KLHL1: variants seen among roughly 807,000 people sequenced by gnomAD.
KLHL1 encodes the protein kelch-like protein 1.
A neutral mutation model predicts 77.7 loss-of-function variants in KLHL1; 47 were observed. The observed-to-expected ratio is 0.60, with a 90% CI of 0.48 to 0.77. The LOEUF is 0.77. Among genes scored for constraint, KLHL1 ranks in the 30% least tolerant of loss-of-function variants. The pLI is 0.00. For synonymous variants in KLHL1, 360 were observed against 325.2 expected (o/e 1.11, Z -1.15); for missense variants, 925 against 910.8 (o/e 1.02, Z -0.20).
chr13:70,076,122 T>C (rs1169058072), intron 1 of KLHL1, among the ~76,000 whole-genome samples: 1 of 151,872 alleles, frequency 6.6e-6, no homozygotes, highest in African/African-American at 2.4e-5. Flanking sequence ...TTTGTGGAAA[T>C]TGACAAATTT....
intron 4 of KLHL1, among the ~76,000 whole-genome samples, chr13:69,908,674 G>A (rs1048050631): frequency 2.6e-5 from 4 of 151,296 alleles, no homozygotes; most frequent in Admixed American, 2.0e-4. Flanking sequence ...CAAAAATAAT[G>A]CCTATGAATT....
intron 9 of KLHL1, among the ~76,000 whole-genome samples, chr13:69,712,658 T>C (rs1875930345): frequency 6.6e-6 from 1 of 152,070 alleles, no homozygotes; most frequent in Admixed American, 6.6e-5. Flanking sequence ...ATTTAAATTT[T>C]AGGATCATAT....
intron 1 of KLHL1, among the ~76,000 whole-genome samples, chr13:70,062,574 A>G (rs1036889186): frequency 5.3e-5 from 8 of 152,192 alleles, no homozygotes; most frequent in Non-Finnish European, 8.8e-5. Context: ...CATGTACCCC[A>G]GAGCTTAAAG....
intron 7 of KLHL1, among the ~76,000 whole-genome samples, chr13:69,745,477 T>G (rs1310779448): frequency 1.3e-5 from 2 of 151,998 alleles, no homozygotes; most frequent in African/African-American, 4.8e-5. Context: ...TCTTGTCTTT[T>G]GATGAAAAGG....
chr13:70,107,514 T>C lies in KLHL1; in HGVS notation c.186A>G (p.Arg62=). 6.2e-7 allele frequency: 1 copy of C among 1,611,910 alleles called. No homozygotes were observed. The highest frequency in any genetic ancestry group is 2.2e-5 in the East Asian group (1 of 44,854). ...SQSRLLKSQE[R]SGVSTFWKKP... ...TCTTCCAGAAAGTGCTCACACCGCT[T>C]CTCTCTTGGCTTTTGAGCAGGCGAC... The change falls in exon 1 of 11, where the codon AGA becomes AGG. Residue 62 remains arginine (R), a synonymous_variant. Coordinates refer to ENST00000377844, the MANE Select transcript of KLHL1 (RefSeq NM_020866.3).
chr13:69,875,172 T>G (rs532677609), intron 5 of KLHL1, among the ~76,000 whole-genome samples: 16 of 152,210 alleles, frequency 1.1e-4, no homozygotes, highest in South Asian at 6.2e-4. Context: ...GTTTGGTGAT[T>G]TTCATTAGGG....
At chr13:70,023,105 T>C (rs1463843381) in intron 1 of KLHL1, among the ~76,000 whole-genome samples, 1 of 151,962 alleles carries the variant, frequency 6.6e-6, no homozygotes, top group Non-Finnish European at 1.5e-5. Context: ...AAAATGAATA[T>C]ACCTTTCTTT....
At chr13:69,954,322 C>T (rs1883801920) in intron 3 of KLHL1, among the ~76,000 whole-genome samples, 1 of 150,834 alleles carries the variant, frequency 6.6e-6, no homozygotes, top group Admixed American at 6.6e-5. Flanking sequence ...GTGGAAAAAG[C>T]CTAAGAAAAT....
At chr13:69,862,501 CTTT>C (rs1880211797) in intron 5 of KLHL1, among the ~76,000 whole-genome samples, 1 of 152,070 alleles carries the variant, frequency 6.6e-6, no homozygotes, top group Non-Finnish European at 1.5e-5. Flanking sequence ...ATTAAATGTT[CTTT>C]ATTACCACTG....
chr13:69,814,585 C>T (rs562770088), intron 6 of KLHL1, among the ~76,000 whole-genome samples: 24 of 152,066 alleles, frequency 1.6e-4, no homozygotes, highest in Non-Finnish European at 2.8e-4. Context: ...AGGACATGAA[C>T]AGATACATCT....
chr13:69,762,207 T>A (rs553783110), intron 7 of KLHL1, among the ~76,000 whole-genome samples: 27 of 152,242 alleles, frequency 1.8e-4, no homozygotes, highest in Admixed American at 1.8e-3. Flanking sequence ...AAATAAGGTA[T>A]TACAGACACA....
chr13:69,997,378 T>C (rs993569770), intron 1 of KLHL1, among the ~76,000 whole-genome samples: 5 of 147,046 alleles, frequency 3.4e-5, no homozygotes, highest in Non-Finnish European at 7.6e-5. Context: ...TTGGTAACTA[T>C]AGGTACGACG....
chr13:69,919,469 T>C (rs1882560471), intron 4 of KLHL1, among the ~76,000 whole-genome samples: 1 of 152,152 alleles, frequency 6.6e-6, no homozygotes, highest in African/African-American at 2.4e-5. Flanking sequence ...GATGTATGTT[T>C]CTTTTTGTTC....
At chr13:69,915,292 C>T (rs1882388496) in intron 4 of KLHL1, among the ~76,000 whole-genome samples, 3 of 152,136 alleles carry the variant, frequency 2.0e-5, no homozygotes, top group South Asian at 4.1e-4. Context: ...CAAGTCAATC[C>T]TAAGCCAAAA....
At chr13:70,008,215 T>C (rs1885450452) in intron 1 of KLHL1, among the ~76,000 whole-genome samples, 1 of 152,038 alleles carries the variant, frequency 6.6e-6, no homozygotes, top group Non-Finnish European at 1.5e-5. Flanking sequence ...GTCATAATAG[T>C]ATTTATAGGT....
intron 7 of KLHL1, among the ~76,000 whole-genome samples, chr13:69,775,326 A>T (rs983683952): frequency 1.3e-5 from 2 of 152,214 alleles, no homozygotes; most frequent in African/African-American, 4.8e-5. Flanking sequence ...AAACATTTGA[A>T]TAAAAAATTT....
intron 1 of KLHL1, among the ~76,000 whole-genome samples, chr13:70,094,393 T>TTATATATATATATATATATATATATAGA (rs369471818): frequency 7.3e-6 from 1 of 137,148 alleles, no homozygotes; most frequent in Non-Finnish European, 1.5e-5. Flanking sequence ...GCAATCATCT[T>TTATATATATATATATATATATATATAGA]TATATATATA....
chr13:69,802,041 G>A (rs768353411), intron 6 of KLHL1, among the ~76,000 whole-genome samples: 7 of 151,924 alleles, frequency 4.6e-5, no homozygotes, highest in Middle Eastern at 3.4e-3. Flanking sequence ...GACAGGCCCT[G>A]GTGTCTGATG....
intron 5 of KLHL1, among the ~76,000 whole-genome samples, chr13:69,854,791 A>AT (rs1231486470): frequency 6.6e-6 from 1 of 151,986 alleles, no homozygotes; most frequent in Non-Finnish European, 1.5e-5. Context: ...AAAGTGATCC[A>AT]TTTTTACCAC....
Sources: allele counts gnomAD v4.1 joint callset (sites outside exome capture counted in the v4.1 genomes callset), GRCh38; gene constraint gnomAD v4.1.1; transcripts MANE v1.5; gene names NCBI Gene and HGNC (gene_info 2026-07-23, HGNC 2026-07-21).